PRKCA: variants seen among roughly 807,000 people sequenced by gnomAD.
PRKCA encodes protein kinase C alpha, also known as protein kinase C alpha type.
PRKCA carries 27 observed loss-of-function variants against 87.0 expected under a neutral mutation model. That is an observed-to-expected ratio of 0.31 (90% CI 0.23 to 0.43). PRKCA has a LOEUF of 0.43. Among genes scored for constraint, PRKCA ranks in the 20% least tolerant of loss-of-function variants. The pLI, the probability that PRKCA is intolerant of heterozygous loss-of-function variation, is 1.00. For missense variants in PRKCA, 518 were observed against 852.3 expected (o/e 0.61, Z 4.88); for synonymous variants, 329 against 311.1 (o/e 1.06, Z -0.61).
Position 66,741,653 on chromosome 17 carries a change from T to C in PRKCA, c.1323-6T>C. 6.2e-7 allele frequency: 1 copy of C among 1,614,196 alleles called. No homozygotes were observed. Among genetic ancestry groups the C allele is most frequent in the Non-Finnish European group, 8.5e-7 (1 of 1,180,022 alleles). ...TGAGAAACCTGAAGCCCGTTTTCTTTTGCAGATTCTATGCGGCAGAGATTT... is the reference window on the plus strand; with the variant it reads ...TGAGAAACCTGAAGCCCGTTTTCTTCTGCAGATTCTATGCGGCAGAGATTT... On this transcript the variant is annotated splice_polypyrimidine_tract_variant and splice_region_variant and intron_variant, in intron 11 of 16. Coordinates refer to ENST00000413366, the MANE Select transcript of PRKCA (RefSeq NM_002737.3).
intron 2 of PRKCA, among the ~76,000 whole-genome samples, chr17:66,436,808 C>T (rs1044016815): frequency 3.3e-5 from 5 of 152,054 alleles, no homozygotes; most frequent in African/African-American, 9.7e-5. Flanking sequence ...GGAGGCAAAT[C>T]GAGAGACTGT....
intron 2 of PRKCA, among the ~76,000 whole-genome samples, chr17:66,485,782 G>A (rs925271243): frequency 2.0e-5 from 3 of 151,962 alleles, no homozygotes; most frequent in Admixed American, 6.6e-5. Context: ...AGGAGAGAAG[G>A]CAGAGCATAC....
intron 3 of PRKCA, among the ~76,000 whole-genome samples, chr17:66,544,796 T>A (rs1041644135): frequency 2.0e-5 from 3 of 152,094 alleles, no homozygotes; most frequent in African/African-American, 2.4e-5. Flanking sequence ...TTTCACCATG[T>A]TGGTCAGGCA....
intron 2 of PRKCA, among the ~76,000 whole-genome samples, chr17:66,319,786 A>G (rs557192815): frequency 1.3e-5 from 2 of 151,836 alleles, no homozygotes; most frequent in East Asian, 1.9e-4. Context: ...CTGTCGCTCA[A>G]GGTGGGGTAC....
chr17:66,797,266 C>A (rs1347843269), intron 16 of PRKCA, among the ~76,000 whole-genome samples: 2 of 152,216 alleles, frequency 1.3e-5, no homozygotes, highest in Non-Finnish European at 2.9e-5. Flanking sequence ...AGTGGGGGCA[C>A]ACTGCAATCC....
intron 2 of PRKCA, among the ~76,000 whole-genome samples, chr17:66,408,841 T>G (rs1911576570): frequency 6.6e-6 from 1 of 151,276 alleles, no homozygotes; most frequent in Admixed American, 6.6e-5. Context: ...ATCACAAGGC[T>G]AGGAGTTCAA....
At chr17:66,516,267 C>T (rs1966966826) in intron 3 of PRKCA, among the ~76,000 whole-genome samples, 1 of 151,948 alleles carries the variant, frequency 6.6e-6, no homozygotes, top group African/African-American at 2.4e-5. Context: ...ACCAGGGGCA[C>T]TTGGGAGGAT....
At chr17:66,698,717 A>C (rs929246948) in intron 8 of PRKCA, among the ~76,000 whole-genome samples, 1 of 151,938 alleles carries the variant, frequency 6.6e-6, no homozygotes, top group African/African-American at 2.4e-5. Context: ...TCATGCTTCT[A>C]ATCCCAGCAC....
intron 3 of PRKCA, among the ~76,000 whole-genome samples, chr17:66,533,714 G>A (rs1967652874): frequency 6.6e-6 from 1 of 152,156 alleles, no homozygotes; most frequent in African/African-American, 2.4e-5. Context: ...CCACTGGCCA[G>A]GCAGACCCCG....
intron 5 of PRKCA, among the ~76,000 whole-genome samples, chr17:66,646,551 T>C (rs1372774859): frequency 5.9e-5 from 9 of 152,210 alleles, no homozygotes; most frequent in African/African-American, 2.2e-4. Context: ...TCCTTCTGTA[T>C]CTAGGAATTT....
intron 13 of PRKCA, 23 bp from the exon 14 acceptor site, chr17:66,773,964 T>C (rs761675192): frequency 2.5e-6 from 4 of 1,613,754 alleles, no homozygotes; most frequent in South Asian, 1.1e-5. Context: ...ACTAATGTAA[T>C]TGATGTGTTT....
chr17:66,607,728 T>G (rs1970250541), intron 3 of PRKCA, among the ~76,000 whole-genome samples: 1 of 151,850 alleles, frequency 6.6e-6, no homozygotes, highest in Non-Finnish European at 1.5e-5. Flanking sequence ...TTTGGTAGAG[T>G]GTGGGGGGCC....
chr17:66,506,416 G>C (rs1916983164), intron 3 of PRKCA, among the ~76,000 whole-genome samples: 1 of 152,106 alleles, frequency 6.6e-6, no homozygotes. Context: ...AATTCTTTGT[G>C]AGAGGGTCCT....
chr17:66,372,027 A>C (rs1909142356), intron 2 of PRKCA, among the ~76,000 whole-genome samples: 1 of 152,250 alleles, frequency 6.6e-6, no homozygotes, highest in Admixed American at 6.5e-5. Context: ...TGGAAACTTC[A>C]GGGATGGGGG....
chr17:66,331,692 C>A (rs1906335064), intron 2 of PRKCA, among the ~76,000 whole-genome samples: 1 of 152,110 alleles, frequency 6.6e-6, no homozygotes. Context: ...GCAGAGAAAA[C>A]CACACAACTT....
At chr17:66,479,789 G>A (rs1292296283) in intron 2 of PRKCA, among the ~76,000 whole-genome samples, 1 of 152,132 alleles carries the variant, frequency 6.6e-6, no homozygotes, top group African/African-American at 2.4e-5. Context: ...TCACTTATAA[G>A]TGACAGCTAA....
intron 2 of PRKCA, among the ~76,000 whole-genome samples, chr17:66,422,151 T>C (rs7221968): frequency 0.11 from 17,275 of 152,038 alleles, 1,247 homozygotes; most frequent in East Asian, 0.22. Context: ...AATGACCTCA[T>C]ATAACCCTCT....
intron 3 of PRKCA, among the ~76,000 whole-genome samples, chr17:66,535,261 A>G (rs932995374): frequency 6.6e-6 from 1 of 152,108 alleles, no homozygotes; most frequent in Non-Finnish European, 1.5e-5. Context: ...TGCACATCTC[A>G]TATTTTGCCA....
chr17:66,652,513 A>G (rs897727920), intron 5 of PRKCA, among the ~76,000 whole-genome samples: 6 of 152,146 alleles, frequency 3.9e-5, no homozygotes, highest in Admixed American at 3.9e-4. Context: ...TCTACAACCT[A>G]CTTCCAAATG....
Sources: allele counts gnomAD v4.1 joint callset (sites outside exome capture counted in the v4.1 genomes callset), GRCh38; gene constraint gnomAD v4.1.1; transcripts MANE v1.5; gene names NCBI Gene and HGNC (gene_info 2026-07-23, HGNC 2026-07-21).